Variants in PCDHGA5 observed in about 807,000 individuals in gnomAD.
The protein encoded by PCDHGA5 is protocadherin gamma subfamily A, 5, also known as protocadherin gamma-A5.
In PCDHGA5, 36 loss-of-function variants were observed where a neutral mutation model predicts 56.7. The ratio of observed to expected loss-of-function variants is 0.64; its 90% CI spans 0.49 to 0.84. The LOEUF (loss-of-function observed/expected upper bound fraction) is 0.84. PCDHGA5 is among the 40% of genes least tolerant of loss of function. PCDHGA5 has a pLI of 0.00. For missense variants in PCDHGA5, 1,305 were observed against 1,201.5 expected (o/e 1.09, Z -1.27); for synonymous variants, 563 against 520.2 (o/e 1.08, Z -1.12).
At chr5:141,375,915 C>A in intron 1 of PCDHGA5, 2 of 1,613,746 alleles carry the variant, frequency 1.2e-6, no homozygotes, top group South Asian at 2.2e-5. Flanking sequence ...CTGCTCAAGG[C>A]CAGCGAGCCA....
chr5:141,479,767 C>G (rs2099505975), intron 1 of PCDHGA5: 1 of 152,174 alleles, frequency 6.6e-6, no homozygotes, highest in African/African-American at 2.4e-5. Flanking sequence ...AAATTCATAT[C>G]CTTAGACAGG....
At chr5:141,444,255 T>G (rs764607115) in intron 1 of PCDHGA5, among the ~76,000 whole-genome samples, 8 of 130,834 alleles carry the variant, frequency 6.1e-5, no homozygotes, top group Non-Finnish European at 1.2e-4. Context: ...CACTGCAACC[T>G]CCGCCTCCCA....
At position 141,493,887 on chromosome 5, in the gene PCDHGA5, G is replaced by C. The variant is rs760575047; in HGVS notation, c.2422-920G>C. On this transcript the variant is annotated intron_variant, in intron 1 of 3. Transcript: ENST00000518069. This position sits in a 1 kb window ranked among gnomAD's most constrained non-coding sequence, Gnocchi z 4.3. Reference sequence around the variant, plus strand: ...AGAACCAGTGAGGAGGTGGCTCTAGGAGTGCTCCATGAGAGTGTGTGATGG... The same window carrying C: ...AGAACCAGTGAGGAGGTGGCTCTAGCAGTGCTCCATGAGAGTGTGTGATGG... Among the ~76,000 whole-genome samples, 11 of 152,184 alleles carry C rather than the reference G, an allele frequency of 7.2e-5. No homozygotes were observed. Among genetic ancestry groups the C allele is most frequent in the Non-Finnish European group, 1.2e-4 (8 of 68,026 alleles).
Position 141,364,314 on chromosome 5 carries a change from T to C in PCDHGA5, c.-17T>C. On this transcript the variant is annotated 5_prime_UTR_variant, in exon 1 of 4. Transcript: ENST00000518069. ...GGCTGAACCAGAACTAAGAGAAAAT[T>C]GGGCAGAGAGAAGGCAATGGCGAGT... is the stretch of plus-strand genomic sequence containing the variant. 1 of 1,523,586 alleles carries C rather than the reference T, an allele frequency of 6.6e-7. No individual in the cohort carries two copies. The highest frequency in any genetic ancestry group is 8.8e-7 in the Non-Finnish European group (1 of 1,138,754). 94.4% of individuals were successfully genotyped at this position (1,523,586 alleles called of 1,614,324 possible).
chr5:141,371,762 C>G (rs755631698), intron 1 of PCDHGA5: 1 of 1,614,030 alleles, frequency 6.2e-7, no homozygotes, highest in South Asian at 1.1e-5. Context: ...ACCAGGCCTC[C>G]TACACCGTGC....
intron 1 of PCDHGA5, chr5:141,385,892 G>A (rs544548013): frequency 1.3e-5 from 2 of 152,934 alleles, no homozygotes; most frequent in South Asian, 2.1e-4. Context: ...AGAATGAAAT[G>A]TGTGTGTATC....
intron 1 of PCDHGA5, among the ~76,000 whole-genome samples, chr5:141,382,339 C>A (rs1018758986): frequency 2.6e-5 from 4 of 152,082 alleles, no homozygotes; most frequent in African/African-American, 9.7e-5. Context: ...TAAGTAAAAT[C>A]TTTCATATGT....
chr5:141,388,432 A>C (rs760022375), intron 1 of PCDHGA5: 1 of 1,613,760 alleles, frequency 6.2e-7, no homozygotes, highest in South Asian at 1.1e-5. Context: ...CTGATAAATA[A>C]AGAGAAATCA....
chr5:141,465,385 C>T (rs752724696), intron 1 of PCDHGA5, among the ~76,000 whole-genome samples: 3 of 151,978 alleles, frequency 2.0e-5, no homozygotes, highest in Admixed American at 6.6e-5. Context: ...AGATTAGGAA[C>T]AAAAACAAGT....
At chr5:141,418,655 G>A in intron 1 of PCDHGA5, 5 of 1,614,002 alleles carry the variant, frequency 3.1e-6, no homozygotes, top group Non-Finnish European at 4.2e-6. Flanking sequence ...GAGAGTGAAG[G>A]CCACTGACCA....
chr5:141,393,453 G>T lies in PCDHGA5; in HGVS notation c.2421+26702G>T, dbSNP rs373805221. On this transcript the variant is annotated intron_variant, in intron 1 of 3. Transcript: ENST00000518069. ...GGCTGCTCACCACCTGGTCCTCACG[G>T]CCTCGGATGGCGGCAAGCCGCCTCG... 6.6e-5 allele frequency: 107 copies of T among 1,614,038 alleles called. 2 individuals carry two copies. In the South Asian group the frequency reaches 1.0e-3, roughly 15 times the overall value.
intron 1 of PCDHGA5, chr5:141,398,763 G>C (rs767181565): frequency 3.7e-6 from 6 of 1,613,788 alleles, no homozygotes; most frequent in Non-Finnish European, 5.1e-6. Flanking sequence ...GTTTAGTCCT[G>C]ACTGCCTTGG....
Position 141,431,614 on chromosome 5 carries a change from C to G in PCDHGA5, c.2422-63193C>G. ...TGAGGTATTCCTTCCGGTATGTGGACGACAAGGCGGCCCAAGTTTTCAAAC... is the reference window on the plus strand; with the variant it reads ...TGAGGTATTCCTTCCGGTATGTGGAGGACAAGGCGGCCCAAGTTTTCAAAC... On this transcript the variant is annotated intron_variant, in intron 1 of 3. Coordinates refer to ENST00000518069, the MANE Select transcript of PCDHGA5 (RefSeq NM_018918.3). This position sits in a 1 kb window ranked among gnomAD's most constrained non-coding sequence, Gnocchi z 4.8. 6.2e-7 allele frequency: 1 copy of G among 1,614,206 alleles called. No homozygotes were observed. The highest frequency in any genetic ancestry group is 1.1e-5 in the South Asian group (1 of 91,092).
intron 1 of PCDHGA5, chr5:141,370,818 ATCAGCGAACTGGCTC>A (rs758994219): frequency 6.2e-7 from 1 of 1,614,074 alleles, no homozygotes; most frequent in South Asian, 1.1e-5. Flanking sequence ...TGAGCTGGAA[ATCAGCGAACTGGCTC>A]TCACTGGAGC....
In PCDHGA5 at chr5:141,476,760, CG is replaced by C. The variant is rs1325258321; in HGVS notation, c.2422-18045del. The C allele has an allele frequency of 6.2e-7, 1 of 1,613,706 alleles. No individual in the cohort carries two copies. Among genetic ancestry groups the C allele is most frequent in the African/African-American group, 1.3e-5 (1 of 74,930 alleles). On this transcript the variant is annotated intron_variant, in intron 1 of 3. Coordinates refer to ENST00000518069, the MANE Select transcript of PCDHGA5 (RefSeq NM_018918.3). This position sits in a 1 kb window ranked among gnomAD's most constrained non-coding sequence, Gnocchi z 7.6. ...GAGCCTAGTCTCCAGTTAGTGCTGA[CG>C]GCGTTGGACGGAGGGACCCCAGCTC...
intron 1 of PCDHGA5, chr5:141,372,839 A>G: frequency 6.6e-7 from 1 of 1,524,174 alleles, no homozygotes. Context: ...TCCTTCCATA[A>G]ATATAATTGG....
rs550161736 is a variant in PCDHGA5, at chr5:141,427,826, G to T, written c.2421+61075G>T. ...GCGCACAGAGCGGGGTGGTGGTCGCGCAGCGTGCCTTCGACCACGAGCAGC... is the reference window on the plus strand; with the variant it reads ...GCGCACAGAGCGGGGTGGTGGTCGCTCAGCGTGCCTTCGACCACGAGCAGC... On this transcript the variant is annotated intron_variant, in intron 1 of 3. Coordinates refer to ENST00000518069, the MANE Select transcript of PCDHGA5 (RefSeq NM_018918.3). The T allele has an allele frequency of 2.6e-6, 4 of 1,536,502 alleles. No individual in the cohort carries two copies. The East Asian group carries it at 6.8e-5, about 26-fold the overall frequency.
chr5:141,400,147 C>T lies in PCDHGA5; in HGVS notation c.2421+33396C>T, dbSNP rs751998425. ...GGAGGTGCTGCCGGATATCACTGAC[C>T]GCCCTGTACCCTCTGACCCCCAGGC... On this transcript the variant is annotated intron_variant, in intron 1 of 3. Coordinates refer to ENST00000518069, the MANE Select transcript of PCDHGA5 (RefSeq NM_018918.3). 3.7e-6 allele frequency: 6 copies of T among 1,614,074 alleles called. No homozygotes were observed. In the East Asian group the frequency reaches 1.1e-4, roughly 30 times the overall value.
At chr5:141,413,970 G>A in intron 1 of PCDHGA5, 1 of 1,613,450 alleles carries the variant, frequency 6.2e-7, no homozygotes, top group Non-Finnish European at 8.5e-7. Flanking sequence ...GCACTCAGCT[G>A]CTGACAGTCA....
Sources: gnomAD v4.1 joint callset for allele counts (sites outside exome capture counted in the v4.1 genomes callset) on GRCh38, gnomAD v4.1.1 for gene constraint, Gnocchi (gnomAD v3.1) non-coding constraint, MANE v1.5 for transcripts, NCBI Gene and HGNC (gene_info 2026-07-23, HGNC 2026-07-21) for gene names.